MED9: variants seen among roughly 807,000 people sequenced by gnomAD.
MED9 encodes mediator complex subunit 9.
A neutral mutation model predicts 13.2 loss-of-function variants in MED9; 8 were observed. The observed-to-expected ratio is 0.61, with a 90% CI of 0.36 to 1.10. The LOEUF (loss-of-function observed/expected upper bound fraction) is 1.10. MED9 is among the 50% of genes least tolerant of loss of function. The pLI, the probability that MED9 is intolerant of heterozygous loss-of-function variation, is 0.02. For missense variants in MED9, 180 were observed against 193.4 expected, an observed-to-expected ratio of 0.93 and a Z score of 0.41; for synonymous variants, 87 against 82.8, an observed-to-expected ratio of 1.05 and a Z score of -0.28.
chr17:17,477,036 G>A lies in MED9; in HGVS notation c.-6G>A. The A allele has an allele frequency of 6.2e-7, 1 of 1,605,092 alleles. No individual in the cohort carries two copies. The highest frequency in any genetic ancestry group is 1.1e-5 in the South Asian group (1 of 90,958). ...CCCGACCTCTGGCTAACCTACCCCC[G>A]GAGCCATGGCCTCTGCTGGGGTGGC... On this transcript the variant is annotated 5_prime_UTR_variant, in exon 1 of 2. Transcript: ENST00000268711.
At chr17:17,482,170 A>G (rs1905043069) in intron 1 of MED9, among the ~76,000 whole-genome samples, 1 of 152,150 alleles carries the variant, frequency 6.6e-6, no homozygotes, top group Non-Finnish European at 1.5e-5. Flanking sequence ...TGTTGGAATC[A>G]GCACTGCAGC....
rs1905087915 is a variant in MED9 at position 17,484,370 on chromosome 17, C to T, written c.225-6909C>T. 2.0e-5 allele frequency among the ~76,000 whole-genome samples: 3 copies of T among 152,210 alleles called. No homozygotes were observed. In the South Asian group the frequency reaches 6.2e-4, roughly 32 times the overall value. On this transcript the variant is annotated intron_variant, in intron 1 of 1. Transcript: ENST00000268711. The stretch of plus-strand genomic sequence containing the variant: ...TCAAGTGATGAGCACGCTGTCTGGC[C>T]CCTCCAGCTTGGCCTGGCCGCTTCA...
intron 1 of MED9, among the ~76,000 whole-genome samples, chr17:17,490,764 CT>C (rs1567640355): frequency 1.3e-5 from 2 of 152,226 alleles, no homozygotes; most frequent in South Asian, 4.1e-4. Context: ...TTAGCTCTTG[CT>C]AACTGATAAA....
chr17:17,486,748 C>T (rs1567638167), intron 1 of MED9: 1 of 154,092 alleles, frequency 6.5e-6, no homozygotes. Context: ...AGCGTACGTG[C>T]AGGACTGGTA....
intron 1 of MED9, chr17:17,485,035 T>C (rs755045294): frequency 4.8e-5 from 11 of 228,534 alleles, no homozygotes; most frequent in Non-Finnish European, 5.0e-5. Flanking sequence ...AAATGGAGTC[T>C]CACTCTGTCG....
chr17:17,490,804 A>T (rs1180952826), intron 1 of MED9, among the ~76,000 whole-genome samples: 1 of 152,268 alleles, frequency 6.6e-6, no homozygotes, highest in Non-Finnish European at 1.5e-5. Context: ...AAATGGCTCC[A>T]GTTAGACAAA....
chr17:17,491,985 C>T lies in MED9; in HGVS notation c.*490C>T, dbSNP rs546653903. 2 of 190,308 alleles carry T rather than the reference C, an allele frequency of 1.1e-5. No individual in the cohort carries two copies. The highest frequency in any genetic ancestry group is 2.4e-4 in the East Asian group (2 of 8,268). The allele number at this position is 190,308 out of a possible 1,614,324, so 11.8% of individuals were successfully genotyped here. ...AAACATTTGCATAGAATTCACTGGA[C>T]GAATTAAGCCTGCACTCATATGGCA... is the stretch of plus-strand genomic sequence containing the variant. On this transcript the variant is annotated 3_prime_UTR_variant, in exon 2 of 2. Coordinates refer to ENST00000268711, the MANE Select transcript of MED9 (RefSeq NM_018019.3).
intron 1 of MED9, chr17:17,485,937 C>T (rs1905120409): frequency 6.6e-6 from 1 of 152,336 alleles, no homozygotes; most frequent in East Asian, 1.9e-4. Flanking sequence ...CGGAAGGCCT[C>T]ATAGGTCTTG....
intron 1 of MED9, among the ~76,000 whole-genome samples, chr17:17,480,864 A>G (rs1905022374): frequency 6.6e-6 from 1 of 152,172 alleles, no homozygotes; most frequent in South Asian, 2.1e-4. Context: ...GGGAGGAATA[A>G]GGGCAGAGGA....
intron 1 of MED9, chr17:17,486,927 G>C (rs896848592): frequency 6.6e-6 from 1 of 152,380 alleles, no homozygotes; most frequent in African/African-American, 2.4e-5. Flanking sequence ...TCTACACTCT[G>C]TATCTAGCTG....
At chr17:17,485,075 G>A (rs1905102855) in intron 1 of MED9, 1 of 286,042 alleles carries the variant, frequency 3.5e-6, no homozygotes, top group Non-Finnish European at 6.4e-6. Context: ...GCGTGTCTTG[G>A]CTCACTGCAA....
chr17:17,487,183 A>G (rs1905148540), intron 1 of MED9: 1 of 152,294 alleles, frequency 6.6e-6, no homozygotes, highest in South Asian at 2.1e-4. Flanking sequence ...TATCTAGCTC[A>G]GGGATTGTAA....
chr17:17,491,771 A>AG lies in MED9; in HGVS notation c.*281dup. On this transcript the variant is annotated 3_prime_UTR_variant, in exon 2 of 2. Transcript: ENST00000268711. ...GTCAGAATGCTCCTGGAGGCTGCAG[A>AG]GGGGGTGGAGGACTCTCCCCTGCCT... 2 of 434,180 alleles carry AG rather than the reference A, an allele frequency of 4.6e-6. No individual in the cohort carries two copies. The highest frequency in any genetic ancestry group is 2.2e-5 in the South Asian group (1 of 45,810). The allele number at this position is 434,180 out of a possible 1,614,324, so 26.9% of individuals were successfully genotyped here. A position where few individuals can be genotyped will look rare whatever the true frequency, so the allele number is the denominator to read the frequency against.
chr17:17,482,674 T>C (rs1274493209), intron 1 of MED9, among the ~76,000 whole-genome samples: 1 of 152,212 alleles, frequency 6.6e-6, no homozygotes, highest in African/African-American at 2.4e-5. Flanking sequence ...GTTTTGGTCC[T>C]ACTTAGAAAG....
chr17:17,489,885 A>G (rs931293869), intron 1 of MED9, among the ~76,000 whole-genome samples: 3 of 152,388 alleles, frequency 2.0e-5, no homozygotes, highest in African/African-American at 4.8e-5. Flanking sequence ...TGTGAGACGT[A>G]ACTGATGGAT....
chr17:17,490,578 G>C (rs1905211288), intron 1 of MED9, among the ~76,000 whole-genome samples: 2 of 152,256 alleles, frequency 1.3e-5, no homozygotes, highest in African/African-American at 2.4e-5. Context: ...CGTCTGCCTT[G>C]AAAGTGAACT....
At chr17:17,479,914 G>A (rs961042980) in intron 1 of MED9, among the ~76,000 whole-genome samples, 2 of 152,148 alleles carry the variant, frequency 1.3e-5, no homozygotes, top group African/African-American at 4.8e-5. Flanking sequence ...TGTTAACCAT[G>A]GCCTATCCCC....
intron 1 of MED9, chr17:17,485,279 AT>A (rs1394413273): frequency 2.4e-4 from 89 of 373,794 alleles, no homozygotes; most frequent in East Asian, 3.1e-4. Context: ...ACAAAAAAAA[AT>A]TTTTTTTTTG....
intron 1 of MED9, among the ~76,000 whole-genome samples, chr17:17,490,788 G>T (rs1029587178): frequency 1.1e-4 from 16 of 152,164 alleles, no homozygotes; most frequent in African/African-American, 3.6e-4. Flanking sequence ...CTCCTGATTG[G>T]CCTAGAAATG....
Sources: allele counts gnomAD v4.1 joint callset (sites outside exome capture counted in the v4.1 genomes callset), GRCh38; gene constraint gnomAD v4.1.1; transcripts MANE v1.5; gene names NCBI Gene and HGNC (gene_info 2026-07-23, HGNC 2026-07-21).